TAPT1: variants seen among roughly 807,000 people sequenced by gnomAD.
TAPT1 encodes the protein transmembrane anterior posterior transformation protein 1 homolog.
Under a neutral mutation model 65.6 loss-of-function variants are expected in TAPT1, and 28 were observed. The ratio of observed to expected loss-of-function variants is 0.43; its 90% CI spans 0.32 to 0.59. The LOEUF (loss-of-function observed/expected upper bound fraction) is 0.59. Among genes scored for constraint, TAPT1 ranks in the 20% least tolerant of loss-of-function variants. The pLI, the probability that TAPT1 is intolerant of heterozygous loss-of-function variation, is 0.09. For synonymous variants in TAPT1, 278 were observed against 245.2 expected, an observed-to-expected ratio of 1.13 and a Z score of -1.25; for missense variants, 563 against 679.9, an observed-to-expected ratio of 0.83 and a Z score of 1.91.
At chr4:16,186,922 A>G (rs1749055530) in intron 5 of TAPT1, 44 bp from the exon 6 acceptor site, 6 of 1,069,922 alleles carry the variant, frequency 5.6e-6, no homozygotes, top group Non-Finnish European at 8.6e-6. Context: ...CTTTCATATT[A>G]TTACTGATAA....
At chr4:16,216,554 A>C (rs1750952796) in intron 1 of TAPT1, among the ~76,000 whole-genome samples, 1 of 150,766 alleles carries the variant, frequency 6.6e-6, no homozygotes, top group Non-Finnish European at 1.5e-5. Flanking sequence ...CTGATTCAGC[A>C]CCTCTCCTGG....
chr4:16,167,710 G>A (rs921338659), intron 12 of TAPT1, among the ~76,000 whole-genome samples: 3 of 152,090 alleles, frequency 2.0e-5, no homozygotes, highest in African/African-American at 7.2e-5. Context: ...AGCAGTGCTT[G>A]GCACACAGAA....
At chr4:16,193,145 A>C (rs1343301959) in intron 3 of TAPT1, among the ~76,000 whole-genome samples, 1 of 152,214 alleles carries the variant, frequency 6.6e-6, no homozygotes, top group Non-Finnish European at 1.5e-5. Context: ...GACAGAATCT[A>C]AGATATTGCA....
chr4:16,222,957 C>T (rs1013275885), intron 1 of TAPT1, among the ~76,000 whole-genome samples: 6 of 152,186 alleles, frequency 3.9e-5, no homozygotes, highest in African/African-American at 1.4e-4. Flanking sequence ...TACCTATCCC[C>T]ATGCATCTCC....
Position 16,170,642 on chromosome 4 carries a change from A to G in TAPT1, c.1313+11T>C. ...CTGTATAGCCAAAAACATATTCAAG[A>G]ATAATCTTACCCAAAATAGAAGAGT... On this transcript the variant is annotated intron_variant, in intron 12 of 13. Coordinates refer to ENST00000405303, the MANE Select transcript of TAPT1 (RefSeq NM_153365.3). The G allele has an allele frequency of 6.2e-7, 1 of 1,603,254 alleles. No homozygotes were observed. The highest frequency in any genetic ancestry group is 8.5e-7 in the Non-Finnish European group (1 of 1,170,484).
At chr4:16,203,578 C>T (rs1282566157) in intron 2 of TAPT1, among the ~76,000 whole-genome samples, 2 of 152,046 alleles carry the variant, frequency 1.3e-5, no homozygotes, top group African/African-American at 4.8e-5. Flanking sequence ...TGACTGGAGT[C>T]CTTATAAAAG....
At chr4:16,219,067 G>A (rs904581311) in intron 1 of TAPT1, among the ~76,000 whole-genome samples, 2 of 152,130 alleles carry the variant, frequency 1.3e-5, no homozygotes, top group African/African-American at 2.4e-5. Context: ...CCTATTTTGA[G>A]TGTACAGCTC....
chr4:16,191,235 C>G (rs904582577), intron 4 of TAPT1, 126 bp downstream of exon 4: 54 of 955,366 alleles, frequency 5.7e-5, no homozygotes, highest in Admixed American at 5.8e-5. Context: ...GATGACAGCA[C>G]AGTAAAGGCC....
In TAPT1 at chr4:16,202,564, A is replaced by G. The variant is rs932605532; in HGVS notation, c.347T>C (p.Ile116Thr). The change falls in exon 3 of 14, where the codon ATC (isoleucine) becomes ACC (threonine). Residue 116 changes from isoleucine to threonine, a missense_variant. Physicochemically the swap from Ile to Thr is moderately conservative, Grantham distance 89. This residue lies in a region of TAPT1 where 217 missense variants were observed against 317.5 expected (regional missense o/e 0.68). Transcript: ENST00000405303. Reference protein sequence around the residue: ...RELEKLMVFGIFLCLDAFLYV... With the variant: ...RELEKLMVFGTFLCLDAFLYV... ...CAAAAACGCATCCAGGCACAGAAAG[A>G]TTCCAAAAACCATCAGCTGAATTTT... 7 of 1,539,516 alleles carry G rather than the reference A, an allele frequency of 4.5e-6. No individual in the cohort carries two copies. In the East Asian group the frequency reaches 1.7e-4, roughly 38 times the overall value.
chr4:16,200,356 C>G (rs916057656), intron 3 of TAPT1, among the ~76,000 whole-genome samples: 1 of 152,196 alleles, frequency 6.6e-6, no homozygotes, highest in African/African-American at 2.4e-5. Flanking sequence ...CAGGGTCTCA[C>G]TCATCACCCA....
intron 1 of TAPT1, among the ~76,000 whole-genome samples, chr4:16,222,335 T>C (rs1224837999): frequency 1.3e-5 from 2 of 152,234 alleles, no homozygotes; most frequent in Non-Finnish European, 2.9e-5. Flanking sequence ...GTAAAGCAAG[T>C]GAGAATTTTA....
rs1168659372 is a variant in TAPT1 at position 16,170,947 on chromosome 4, G to A, written c.1237-218C>T. 3.9e-5 allele frequency among the ~76,000 whole-genome samples: 6 copies of A among 152,154 alleles called. No homozygotes were observed. The East Asian group carries it at 1.2e-3, about 29-fold the overall frequency. On this transcript the variant is annotated intron_variant, in intron 11 of 13. Transcript: ENST00000405303. ...CTGTGGTACATTTGGATTGGTTCAA[G>A]CAAATCTGGGATGCCTGTGGCTAGT...
At chr4:16,220,594 C>T (rs1751198307) in intron 1 of TAPT1, among the ~76,000 whole-genome samples, 1 of 151,852 alleles carries the variant, frequency 6.6e-6, no homozygotes, top group Non-Finnish European at 1.5e-5. Context: ...ACTAAAAATA[C>T]CAAAATTTGC....
upstream of TAPT1, chr4:16,227,292 C>A (rs1473482525): frequency 2.2e-6 from 1 of 455,704 alleles, no homozygotes; most frequent in Non-Finnish European, 4.4e-6. Flanking sequence ...AGCCCTTGGC[C>A]ACCACTGTGT....
intron 1 of TAPT1, among the ~76,000 whole-genome samples, chr4:16,224,649 C>A (rs747227781): frequency 1.3e-5 from 2 of 152,176 alleles, no homozygotes; most frequent in Admixed American, 6.5e-5. Flanking sequence ...CTGGAGGCAT[C>A]TCCCTGATAA....
chr4:16,208,270 T>C (rs1402130594), intron 2 of TAPT1, among the ~76,000 whole-genome samples: 1 of 152,220 alleles, frequency 6.6e-6, no homozygotes, highest in Non-Finnish European at 1.5e-5. Context: ...TTCCAGTCCA[T>C]GTTGAATATG....
chr4:16,202,953 T>C (rs1360245562), intron 2 of TAPT1, among the ~76,000 whole-genome samples: 1 of 152,206 alleles, frequency 6.6e-6, no homozygotes, highest in Non-Finnish European at 1.5e-5. Context: ...GGAATATATA[T>C]TGAGTTACAA....
chr4:16,175,423 A>T (rs1351945580), intron 9 of TAPT1, among the ~76,000 whole-genome samples: 1 of 152,124 alleles, frequency 6.6e-6, no homozygotes, highest in East Asian at 1.9e-4. Flanking sequence ...TTGCAACTGC[A>T]TTTTATTTTA....
chr4:16,189,070 T>C (rs1047878512), intron 4 of TAPT1, among the ~76,000 whole-genome samples: 1 of 152,214 alleles, frequency 6.6e-6, no homozygotes, highest in Admixed American at 6.5e-5. Flanking sequence ...AACTATTTTT[T>C]TGAGGTTTAT....
Sources: allele counts gnomAD v4.1 joint callset (sites outside exome capture counted in the v4.1 genomes callset), GRCh38; gene constraint gnomAD v4.1.1; regional missense constraint gnomAD v4.1.1; transcripts MANE v1.5; gene names NCBI Gene and HGNC (gene_info 2026-07-23, HGNC 2026-07-21).